Variants in DLG5 observed in about 807,000 individuals in gnomAD.
The protein encoded by DLG5 is disks large homolog 5.
Under a neutral mutation model 189.8 loss-of-function variants are expected in DLG5, and 48 were observed. The ratio of observed to expected loss-of-function variants is 0.25; its 90% CI spans 0.20 to 0.32. The LOEUF (loss-of-function observed/expected upper bound fraction) is 0.32, where lower values mean the gene tolerates loss of function less well. Among genes scored for constraint, DLG5 ranks in the 10% least tolerant of loss-of-function variants. The pLI, the probability that DLG5 is intolerant of heterozygous loss-of-function variation, is 1.00. For missense variants in DLG5, 2,160 were observed against 2,544.7 expected, an observed-to-expected ratio of 0.85 and a Z score of 3.25; for synonymous variants, 1,016 against 1,054.1, an observed-to-expected ratio of 0.96 and a Z score of 0.70.
chr10:77,795,936 C>G, intron 29 of DLG5, 125 bp downstream of exon 29: 1 of 1,423,048 alleles, frequency 7.0e-7, no homozygotes, highest in Non-Finnish European at 9.8e-7. Context: ...CTCAGACTAA[C>G]ACAACACGGT....
chr10:77,890,792 T>C (rs1845585054), intron 1 of DLG5, among the ~76,000 whole-genome samples: 1 of 152,128 alleles, frequency 6.6e-6, no homozygotes, highest in Non-Finnish European at 1.5e-5. Context: ...AGAGGGAGCT[T>C]CCCAGAGCCC....
chr10:77,850,441 C>A (rs1480139027), intron 5 of DLG5, among the ~76,000 whole-genome samples: 1 of 152,198 alleles, frequency 6.6e-6, no homozygotes, highest in African/African-American at 2.4e-5. Flanking sequence ...TTTATCCATT[C>A]ATCGGTCAGT....
intron 1 of DLG5, among the ~76,000 whole-genome samples, chr10:77,921,217 G>T (rs1846524103): frequency 6.6e-6 from 1 of 151,990 alleles, no homozygotes; most frequent in Admixed American, 6.6e-5. Context: ...ACAAACAAAA[G>T]AACCAAAAGA....
intron 2 of DLG5, among the ~76,000 whole-genome samples, chr10:77,864,608 G>T (rs1844602687): frequency 6.6e-6 from 1 of 152,234 alleles, no homozygotes; most frequent in Non-Finnish European, 1.5e-5. Flanking sequence ...AACCCTGGGA[G>T]TAAGTCCCTG....
chr10:77,884,708 A>C (rs1002549572), intron 1 of DLG5, among the ~76,000 whole-genome samples: 2 of 152,180 alleles, frequency 1.3e-5, no homozygotes, highest in African/African-American at 4.8e-5. Flanking sequence ...TGAGGCCCCG[A>C]GAAACAGAAA....
intron 1 of DLG5, among the ~76,000 whole-genome samples, chr10:77,903,093 CTT>C (rs1845977236): frequency 1.3e-5 from 2 of 152,332 alleles, no homozygotes; most frequent in African/African-American, 4.8e-5. Flanking sequence ...TGTACATACA[CTT>C]TGTTTCATAC....
rs1034255814 is a variant in DLG5 at position 77,829,383 on chromosome 10, C to T, written c.2157G>A (p.Pro719=). ...TCTGTCCACTGAGGTTGATGTGCAG[C>T]GGCGTGACCACCTTCCCACCCAGGG... ...RKSLGGKVVT[P]LHINLSGQKD... Residue 719 remains proline (P), a synonymous_variant, in exon 12 of 32, where the codon CCG becomes CCA. Coordinates refer to ENST00000372391, the MANE Select transcript of DLG5 (RefSeq NM_004747.4). The T allele has an allele frequency of 3.7e-6, 6 of 1,614,158 alleles. No individual in the cohort carries two copies. The highest frequency in any genetic ancestry group is 5.1e-6 in the Non-Finnish European group (6 of 1,180,056).
chr10:77,806,818 G>A lies in DLG5; in HGVS notation c.4907C>T (p.Ala1636Val). The change falls in exon 26 of 32, where the codon GCT (alanine) becomes GTT (valine). Residue 1636 changes from alanine to valine, a missense_variant. Ala to Val is a moderately conservative substitution (Grantham distance 64). Around this residue, in one of 5 missense-constraint regions of DLG5, gnomAD observed 574 missense variants for 644.2 expected, o/e 0.89. Transcript: ENST00000372391. Reference sequence around the variant, plus strand: ...CTGGGCATTCTCGTCCAGCTGCCAAGCCATCCAGGACCCGAACGTGCCCTG... The same window carrying A: ...CTGGGCATTCTCGTCCAGCTGCCAAACCATCCAGGACCCGAACGTGCCCTG... Reference protein sequence around the residue: ...LPQGTFGSWMAWQLDENAQKI... With the variant: ...LPQGTFGSWMVWQLDENAQKI... 3 of 1,612,768 alleles carry A rather than the reference G, an allele frequency of 1.9e-6. No homozygotes were observed. The highest frequency in any genetic ancestry group is 2.5e-6 in the Non-Finnish European group (3 of 1,179,300).
At position 77,842,187 on chromosome 10, in the gene DLG5, C is replaced by T. The variant is rs749362562; in HGVS notation, c.1131G>A (p.Glu377=). 5.6e-6 allele frequency: 9 copies of T among 1,600,704 alleles called. No individual in the cohort carries two copies. The highest frequency in any genetic ancestry group is 7.6e-6 in the Non-Finnish European group (9 of 1,178,266). ...HQCALSLRRF[E]AIHHELNKAT... ...CCTTGTTCAGCTCATGGTGGATCGC[C>T]TCAAACCTGGCAAGAGAGGTGGCGA... Residue 377 remains glutamate (E), a synonymous_variant, in exon 7 of 32, where the codon GAG becomes GAA. Coordinates refer to ENST00000372391, the MANE Select transcript of DLG5 (RefSeq NM_004747.4).
At chr10:77,940,628 C>A in the DLG5 span, among the ~76,000 whole-genome samples, 1 of 152,060 alleles carries the variant, frequency 6.6e-6, no homozygotes, top group Non-Finnish European at 1.5e-5. Flanking sequence ...TTCATTTTTT[C>A]AGGGGAGGAC....
Position 77,875,739 on chromosome 10 carries a change from T to C in DLG5, c.305-6542A>G, listed in dbSNP as rs141362368. ...GGATGCTGGGGGGACAGAGGGCTCA[T>C]ATCCTACTATTAGGCTACTAGGAAG... On this transcript the variant is annotated intron_variant, in intron 1 of 31. Coordinates refer to ENST00000372391, the MANE Select transcript of DLG5 (RefSeq NM_004747.4). Among the ~76,000 whole-genome samples, 7 of 152,116 alleles carry C rather than the reference T, an allele frequency of 4.6e-5. No homozygotes were observed. The East Asian group carries it at 1.2e-3, about 25-fold the overall frequency.
In DLG5 at chr10:77,794,883, T is replaced by C; in HGVS notation, c.5512A>G (p.Ile1838Val). Residue 1838 changes from isoleucine to valine, a missense_variant, in exon 30 of 32, where the codon ATC (isoleucine) becomes GTC (valine). Physicochemically the swap from Ile to Val is conservative, Grantham distance 29 (BLOSUM62 3). Transcript: ENST00000372391. ...TTGGCGCTCTTGTAGTGGATGAAGA[T>C]GACAATGGGGTAGATGTGCATGTGG... ...LHHMHIYPIV[I>V]FIHYKSAKHI... 6.2e-7 allele frequency: 1 copy of C among 1,614,054 alleles called. No homozygotes were observed. Among genetic ancestry groups the C allele is most frequent in the Non-Finnish European group, 8.5e-7 (1 of 1,179,990 alleles).
chr10:77,815,465 G>C (rs1428220900), intron 20 of DLG5, among the ~76,000 whole-genome samples: 1 of 152,148 alleles, frequency 6.6e-6, no homozygotes, highest in Non-Finnish European at 1.5e-5. Flanking sequence ...TTCAAGATAA[G>C]CTTGACCAAC....
chr10:77,874,933 T>C (rs1308040187), intron 1 of DLG5, among the ~76,000 whole-genome samples: 2 of 152,224 alleles, frequency 1.3e-5, no homozygotes, highest in East Asian at 1.9e-4. Flanking sequence ...GCACTGTATA[T>C]GGCACTCTCA....
intron 16 of DLG5, 79 bp from the exon 17 acceptor site, chr10:77,819,544 C>T (rs1842231830): frequency 1.3e-6 from 2 of 1,508,688 alleles, no homozygotes; most frequent in African/African-American, 1.4e-5. Flanking sequence ...TCCCCTGTAT[C>T]CCAGGACGCA....
chr10:77,821,887 G>A lies in DLG5; in HGVS notation c.2597C>T (p.Ser866Phe), dbSNP rs1268208200. The change falls in exon 15 of 32, where the codon TCC (serine) becomes TTC (phenylalanine). Residue 866 changes from serine to phenylalanine, a missense_variant. Around this residue, in one of 5 missense-constraint regions of DLG5, gnomAD observed 754 missense variants for 746.5 expected, o/e 1.01. Transcript: ENST00000372391. ...KEPGPPGGSSSFLHKPFPGGP... is the reference protein window; with the variant it reads ...KEPGPPGGSSFFLHKPFPGGP... The stretch of plus-strand genomic sequence containing the variant: ...CCCAGGGAATGGCTTATGCAGAAAG[G>A]AGCTGCTGCCTCCTGGGGGGCCTGG... 1.2e-6 allele frequency: 2 copies of A among 1,614,090 alleles called. No individual in the cohort carries two copies. Among genetic ancestry groups the A allele is most frequent in the Admixed American group, 1.7e-5 (1 of 60,014 alleles).
chr10:77,843,880 C>T (rs1393474617), intron 5 of DLG5, among the ~76,000 whole-genome samples, 174 bp from the exon 6 acceptor site: 3 of 152,138 alleles, frequency 2.0e-5, no homozygotes, highest in Admixed American at 6.5e-5. Flanking sequence ...CCTGCAGTCA[C>T]ACTGGGCTGA....
intron 31 of DLG5, chr10:77,793,100 G>T (rs1840718931): frequency 6.6e-6 from 1 of 152,532 alleles, no homozygotes; most frequent in Non-Finnish European, 1.5e-5. Context: ...TCTAGAAACT[G>T]CTATGGAAAC....
chr10:77,806,901 C>T lies in DLG5; in HGVS notation c.4824G>A (p.Val1608=). The T allele has an allele frequency of 6.2e-7, 1 of 1,613,756 alleles. No individual in the cohort carries two copies. The highest frequency in any genetic ancestry group is 8.5e-7 in the Non-Finnish European group (1 of 1,179,654). The change falls in exon 26 of 32, where the codon GTG becomes GTA. Residue 1608 remains valine (V), a synonymous_variant. Transcript: ENST00000372391. ...IRALYDRLAD[V]EQELSFKKDD... is the part of the protein sequence containing the mutation. Reference sequence around the variant, plus strand: ...CCTTCTTAAAGCTCAACTCTTGCTCCACATCTGCCAGCCGGTCGTACAGGG... The same window carrying T: ...CCTTCTTAAAGCTCAACTCTTGCTCTACATCTGCCAGCCGGTCGTACAGGG...
Sources: gnomAD v4.1 joint callset for allele counts (sites outside exome capture counted in the v4.1 genomes callset) on GRCh38, gnomAD v4.1.1 for gene constraint, gnomAD v4.1.1 regional missense constraint, MANE v1.5 for transcripts, NCBI Gene and HGNC (gene_info 2026-07-23, HGNC 2026-07-21) for gene names.